AGBL1: variants seen among roughly 807,000 people sequenced by gnomAD.
The protein encoded by AGBL1 is AGBL carboxypeptidase 1.
Under a neutral mutation model 118.9 loss-of-function variants are expected in AGBL1, and 130 were observed. The ratio of observed to expected loss-of-function variants is 1.09; its 90% confidence interval spans 0.95 to 1.26. The LOEUF is 1.26. Ranked by LOEUF, AGBL1 falls within the 50% of genes most tolerant of loss-of-function variation. The pLI, the probability that AGBL1 is intolerant of heterozygous loss-of-function variation, is 0.00. For missense variants in AGBL1, 1,584 were observed against 1,298.1 expected (o/e 1.22, Z -3.38); for synonymous variants, 555 against 478.9 (o/e 1.16, Z -2.08).
chr15:86,992,780 T>C (rs1303453973), intron 24 of AGBL1, among the ~76,000 whole-genome samples: 1 of 151,588 alleles, frequency 6.6e-6, no homozygotes, highest in Non-Finnish European at 1.5e-5. Context: ...ATATCAACAA[T>C]GCCTAAACGG....
intron 18 of AGBL1, among the ~76,000 whole-genome samples, chr15:86,476,378 G>A (rs2082559236): frequency 6.6e-6 from 1 of 152,098 alleles, no homozygotes; most frequent in African/African-American, 2.4e-5. Context: ...ATAAAGGGGT[G>A]GAGAAAGATC....
At chr15:86,610,852 G>A (rs957762271) in intron 21 of AGBL1, among the ~76,000 whole-genome samples, 13 of 152,088 alleles carry the variant, frequency 8.5e-5, no homozygotes, top group East Asian at 3.9e-4. Context: ...TGTAGAGGTC[G>A]TGATATTCAC....
chr15:86,478,348 G>A (rs148444932), intron 18 of AGBL1, among the ~76,000 whole-genome samples: 24,227 of 152,008 alleles, frequency 0.16, 2,289 homozygotes, highest in African/African-American at 0.26. Context: ...GTCTCAGCCC[G>A]AAATCTCCTT....
intron 23 of AGBL1, among the ~76,000 whole-genome samples, chr15:86,981,451 TATAAG>T (rs2081230968): frequency 6.6e-6 from 1 of 152,206 alleles, no homozygotes; most frequent in African/African-American, 2.4e-5. Context: ...ATTAATTACT[TATAAG>T]AAATGTCTTT....
At chr15:86,874,049 C>G (rs866859135) in intron 22 of AGBL1, among the ~76,000 whole-genome samples, 1 of 152,018 alleles carries the variant, frequency 6.6e-6, no homozygotes, top group Non-Finnish European at 1.5e-5. Context: ...ACAATACTTC[C>G]CATAACCACC....
chr15:86,918,270 C>A (rs1374429535), downstream of AGBL1, among the ~76,000 whole-genome samples: 2 of 152,138 alleles, frequency 1.3e-5, no homozygotes, highest in Non-Finnish European at 2.9e-5. Context: ...GAAACAAAGT[C>A]TGGGAGATAG....
At chr15:86,573,780 G>A (rs908199063) in intron 21 of AGBL1, among the ~76,000 whole-genome samples, 4 of 152,102 alleles carry the variant, frequency 2.6e-5, no homozygotes, top group African/African-American at 7.2e-5. Context: ...CTCCCCGAAG[G>A]CAGACAGAAT....
chr15:86,773,698 G>A (rs1009738554), intron 22 of AGBL1, among the ~76,000 whole-genome samples: 1 of 151,910 alleles, frequency 6.6e-6, no homozygotes, highest in African/African-American at 2.4e-5. Context: ...GCACTCAGTG[G>A]AATAAATGTG....
chr15:86,850,573 TCCTC>T (rs934048292), intron 22 of AGBL1, among the ~76,000 whole-genome samples: 28 of 152,258 alleles, frequency 1.8e-4, no homozygotes, highest in South Asian at 6.2e-4. Context: ...AAACCCATCT[TCCTC>T]CCACCCTCAT....
chr15:87,002,015 G>GCC (rs931992486), intron 24 of AGBL1, among the ~76,000 whole-genome samples: 3 of 152,042 alleles, frequency 2.0e-5, no homozygotes, highest in Non-Finnish European at 4.4e-5. Context: ...GGCTTTGGTT[G>GCC]CCATTGCTTT....
At chr15:86,320,722 C>T (rs970230956) in intron 17 of AGBL1, among the ~76,000 whole-genome samples, 7 of 148,056 alleles carry the variant, frequency 4.7e-5, no homozygotes, top group Non-Finnish European at 9.0e-5. Context: ...TGTGTGTGTG[C>T]GTGTGTGTGT....
At chr15:86,976,533 G>A (rs2081178085) in intron 23 of AGBL1, among the ~76,000 whole-genome samples, 1 of 151,894 alleles carries the variant, frequency 6.6e-6, no homozygotes, top group Non-Finnish European at 1.5e-5. Context: ...GCTAACTTTT[G>A]CATGCCTTTT....
At chr15:86,411,056 T>C (rs970244691) in intron 18 of AGBL1, among the ~76,000 whole-genome samples, 3 of 149,540 alleles carry the variant, frequency 2.0e-5, no homozygotes, top group African/African-American at 7.4e-5. Context: ...AGAGAAAGCT[T>C]GGAACTGAGT....
At chr15:86,271,565 G>C (rs1597659760) in intron 14 of AGBL1, 54 bp from the exon 15 acceptor site, 1 of 1,385,366 alleles carries the variant, frequency 7.2e-7, no homozygotes, top group Non-Finnish European at 1.0e-6. Flanking sequence ...TCATTATTTG[G>C]CCCAGAACAA....
intron 21 of AGBL1, among the ~76,000 whole-genome samples, chr15:86,574,239 C>T (rs2084050799): frequency 6.6e-6 from 1 of 152,162 alleles, no homozygotes; most frequent in African/African-American, 2.4e-5. Flanking sequence ...TTCCTGTTTC[C>T]TGTTAGTCCA....
intron 22 of AGBL1, among the ~76,000 whole-genome samples, chr15:86,829,630 C>A (rs948659624): frequency 2.0e-5 from 3 of 152,100 alleles, no homozygotes; most frequent in African/African-American, 7.2e-5. Flanking sequence ...GACACACAGG[C>A]TTCTGGGCTT....
At chr15:86,195,632 A>T (rs959400421) in intron 5 of AGBL1, among the ~76,000 whole-genome samples, 1 of 152,148 alleles carries the variant, frequency 6.6e-6, no homozygotes. Context: ...TTTGACTCCA[A>T]ATCTGGTGGG....
chr15:87,018,042 T>A (rs2081624386), intron 24 of AGBL1, among the ~76,000 whole-genome samples: 1 of 103,144 alleles, frequency 9.7e-6, no homozygotes, highest in African/African-American at 2.6e-5. Context: ...TTGAAGAATA[T>A]CTTTCTAAAA....
intron 22 of AGBL1, among the ~76,000 whole-genome samples, chr15:86,726,154 C>G (rs2086815474): frequency 6.6e-6 from 1 of 152,108 alleles, no homozygotes; most frequent in Non-Finnish European, 1.5e-5. Flanking sequence ...TTATTAGATG[C>G]CATAAACAAA....
Sources: allele counts gnomAD v4.1 joint callset (sites outside exome capture counted in the v4.1 genomes callset), GRCh38; gene constraint gnomAD v4.1.1; transcripts MANE v1.5; gene names NCBI Gene and HGNC (gene_info 2026-07-23, HGNC 2026-07-21).